The following FRMD4B variants were observed in gnomAD, a reference collection of about 807,000 sequenced individuals.
FRMD4B encodes the protein FERM domain-containing protein 4B.
FRMD4B carries 74 observed loss-of-function variants against 141.5 expected under a neutral mutation model. The observed-to-expected ratio is 0.52, with a 90% CI of 0.43 to 0.63. FRMD4B has a LOEUF of 0.63. Among genes scored for constraint, FRMD4B ranks in the 30% least tolerant of loss-of-function variants. The pLI is 0.00. For missense variants in FRMD4B, 1,366 were observed against 1,253.4 expected (o/e 1.09, Z -1.36); for synonymous variants, 506 against 467.9 (o/e 1.08, Z -1.05).
At chr3:69,389,918 T>TG (rs1355191822), upstream of FRMD4B, among the ~76,000 whole-genome samples, 3 of 151,832 alleles carry the variant, frequency 2.0e-5, no homozygotes, top group Non-Finnish European at 4.4e-5. Context: ...TTCTTTTTTT[T>TG]TTTAATTTAA....
At chr3:69,455,264 C>G (rs937216925) in intron 1 of FRMD4B, among the ~76,000 whole-genome samples, 6 of 152,194 alleles carry the variant, frequency 3.9e-5, no homozygotes, top group African/African-American at 1.4e-4. Flanking sequence ...CCAGAGGCCA[C>G]AGCAGTGATA....
At chr3:69,264,680 G>A (rs116299612) in intron 5 of FRMD4B, among the ~76,000 whole-genome samples, 424 of 152,198 alleles carry the variant, frequency 2.8e-3, no homozygotes, top group Admixed American at 3.7e-3. Flanking sequence ...AAAGTAGCAG[G>A]AAAATAAATA....
intron 2 of FRMD4B, among the ~76,000 whole-genome samples, chr3:69,392,773 G>C (rs1194899867): frequency 1.3e-5 from 2 of 152,134 alleles, no homozygotes; most frequent in Non-Finnish European, 2.9e-5. Context: ...CCTCACTCAG[G>C]GGGTGGGGGT....
Position 69,176,566 on chromosome 3 carries a change from C to A in FRMD4B, c.2942G>T (p.Ser981Ile). The A allele has an allele frequency of 1.9e-6, 3 of 1,612,042 alleles. No homozygotes were observed. The highest frequency in any genetic ancestry group is 2.5e-6 in the Non-Finnish European group (3 of 1,178,128). The change falls in exon 22 of 23, where the codon AGC becomes ATC. Residue 981 changes from serine (S) to isoleucine (I), a missense_variant. Coordinates refer to ENST00000398540, the MANE Select transcript of FRMD4B (RefSeq NM_015123.3). ...AGGATTATAGACATTGCCATAGCAGCTGGTGTAAGAAGAATGTGCTGGAGT... is the reference window on the plus strand; with the variant it reads ...AGGATTATAGACATTGCCATAGCAGATGGTGTAAGAAGAATGTGCTGGAGT... ...YETPAHSSYTSCYGNVYNPLP... is the reference protein window; with the variant it reads ...YETPAHSSYTICYGNVYNPLP...
At chr3:69,406,916 T>TA (rs1301989658) in intron 2 of FRMD4B, among the ~76,000 whole-genome samples, 1 of 150,168 alleles carries the variant, frequency 6.7e-6, no homozygotes, top group Non-Finnish European at 1.5e-5. Flanking sequence ...TTTTAATTTT[T>TA]TTTTTTTTTT....
intron 1 of FRMD4B, chr3:69,472,388 A>G: frequency 2.0e-6 from 1 of 495,772 alleles, no homozygotes; most frequent in Non-Finnish European, 4.1e-6. Flanking sequence ...CCTCATTCTT[A>G]ATATCTTGGA....
intron 1 of FRMD4B, among the ~76,000 whole-genome samples, chr3:69,342,849 T>G (rs1559817708): frequency 1.3e-5 from 2 of 152,206 alleles, no homozygotes; most frequent in Non-Finnish European, 2.9e-5. Context: ...CTAGAACTTA[T>G]TCCTCCTGTC....
intron 1 of FRMD4B, among the ~76,000 whole-genome samples, chr3:69,358,418 T>G (rs545078398): frequency 4.6e-5 from 7 of 152,298 alleles, no homozygotes; most frequent in Admixed American, 3.3e-4. Context: ...TGTTAAAATT[T>G]GATTGCCATT....
chr3:69,367,877 G>C (rs1703713356), intron 1 of FRMD4B, among the ~76,000 whole-genome samples: 1 of 152,196 alleles, frequency 6.6e-6, no homozygotes, highest in African/African-American at 2.4e-5. Flanking sequence ...GAAACAACTA[G>C]ACTGTGCTAT....
At chr3:69,422,176 G>C (rs1434685814) in intron 2 of FRMD4B, among the ~76,000 whole-genome samples, 1 of 151,978 alleles carries the variant, frequency 6.6e-6, no homozygotes, top group Non-Finnish European at 1.5e-5. Context: ...GACCACTTGA[G>C]GTCAGAAGAT....
chr3:69,359,771 G>T (rs924883318), intron 1 of FRMD4B, among the ~76,000 whole-genome samples: 1 of 152,168 alleles, frequency 6.6e-6, no homozygotes, highest in Non-Finnish European at 1.5e-5. Flanking sequence ...TTACCATAAG[G>T]CACGTGCAGT....
intron 1 of FRMD4B, among the ~76,000 whole-genome samples, chr3:69,335,307 A>T: frequency 6.6e-6 from 1 of 152,100 alleles, no homozygotes; most frequent in Non-Finnish European, 1.5e-5. Context: ...ACAAGTGCAA[A>T]GGCCCTGAGG....
chr3:69,465,784 T>C (rs1470298321), intron 1 of FRMD4B, among the ~76,000 whole-genome samples: 1 of 152,204 alleles, frequency 6.6e-6, no homozygotes, highest in Non-Finnish European at 1.5e-5. Flanking sequence ...CTTTATCCAG[T>C]CTATGACTGA....
chr3:69,407,247 A>G (rs906903438), intron 2 of FRMD4B, among the ~76,000 whole-genome samples: 1 of 152,228 alleles, frequency 6.6e-6, no homozygotes, highest in African/African-American at 2.4e-5. Flanking sequence ...GCTTGGGTAT[A>G]AAAGACAGTA....
chr3:69,437,263 G>T (rs1327573227), intron 1 of FRMD4B, among the ~76,000 whole-genome samples: 1 of 151,622 alleles, frequency 6.6e-6, no homozygotes, highest in African/African-American at 2.4e-5. Flanking sequence ...ATAGAGATGA[G>T]GTCTCACTAT....
intron 21 of FRMD4B, among the ~76,000 whole-genome samples, chr3:69,176,890 T>G (rs910447660): frequency 2.6e-5 from 4 of 152,110 alleles, no homozygotes; most frequent in African/African-American, 9.7e-5. Context: ...ATAATAATAT[T>G]AATATATTCT....
intron 1 of FRMD4B, among the ~76,000 whole-genome samples, chr3:69,493,142 A>G (rs1057459702): frequency 6.6e-6 from 1 of 152,374 alleles, no homozygotes; most frequent in South Asian, 2.1e-4. Context: ...ACTCACATGC[A>G]TGACTTTTAG....
intron 2 of FRMD4B, among the ~76,000 whole-genome samples, chr3:69,423,363 A>C (rs10451957): frequency 0.36 from 55,124 of 151,824 alleles, 10,586 homozygotes; most frequent in African/African-American, 0.49. Context: ...GGGAACAGCA[A>C]AAAATTTGAG....
At chr3:69,330,805 C>T (rs1039597275) in intron 1 of FRMD4B, among the ~76,000 whole-genome samples, 1 of 152,120 alleles carries the variant, frequency 6.6e-6, no homozygotes, top group African/African-American at 2.4e-5. Flanking sequence ...CCTCTTTTGC[C>T]GCTGAATTGC....
Sources: gnomAD v4.1 joint callset for allele counts (sites outside exome capture counted in the v4.1 genomes callset) on GRCh38, gnomAD v4.1.1 for gene constraint, MANE v1.5 for transcripts, NCBI Gene and HGNC (gene_info 2026-07-23, HGNC 2026-07-21) for gene names.